The following HDAC7 variants were observed in gnomAD, a reference collection of about 807,000 sequenced individuals.
HDAC7 encodes histone deacetylase 7A.
Under a neutral mutation model 115.5 loss-of-function variants are expected in HDAC7, and 26 were observed. That is an observed-to-expected ratio of 0.23 (90% CI 0.16 to 0.31). The LOEUF (loss-of-function observed/expected upper bound fraction) is 0.31, where lower values mean the gene tolerates loss of function less well. HDAC7 is among the 10% of genes least tolerant of loss of function. The probability of loss-of-function intolerance (pLI) is 1.00; values close to 1 mark genes in which losing one functional copy is unlikely to be tolerated. For synonymous variants in HDAC7, 564 were observed against 550.9 expected (o/e 1.02, Z -0.33); for missense variants, 1,068 against 1,329.0 (o/e 0.80, Z 3.05).
intron 1 of HDAC7, among the ~76,000 whole-genome samples, chr12:47,809,598 T>C (rs923039539): frequency 2.6e-5 from 4 of 152,142 alleles, no homozygotes; most frequent in African/African-American, 9.6e-5. Context: ...TGAGATGGAG[T>C]CCCACTCTGT....
chr12:47,812,238 CTA>C (rs2137060014), intron 1 of HDAC7, among the ~76,000 whole-genome samples: 2 of 152,210 alleles, frequency 1.3e-5, no homozygotes, highest in East Asian at 3.9e-4. Context: ...GGGGTCCACC[CTA>C]TGACTTCTGG....
Position 47,819,749 on chromosome 12 carries a change from C to CTGG in HDAC7, c.19+17_19+18insCCA. ...GCCGCGCGCAGGGCGGGGCGGGGGG[C>CTGG]GGCCGCCCAGTACTCACCAGCGCCG... On this transcript the variant is annotated intron_variant, in intron 1 of 25. Coordinates refer to ENST00000080059, the MANE Select transcript of HDAC7 (RefSeq NM_015401.5). 1.2e-6 allele frequency: 1 copy of CTGG among 827,356 alleles called. No individual in the cohort carries two copies. The highest frequency in any genetic ancestry group is 1.5e-6 in the Non-Finnish European group (1 of 679,636). 51.3% of individuals were successfully genotyped at this position (827,356 alleles called of 1,614,324 possible).
intron 1 of HDAC7, among the ~76,000 whole-genome samples, chr12:47,811,362 G>C (rs1944656569): frequency 6.6e-6 from 1 of 151,928 alleles, no homozygotes; most frequent in African/African-American, 2.4e-5. Context: ...ACAGACAGAT[G>C]GCATGGTCCT....
chr12:47,790,986 G>C (rs533558269), intron 16 of HDAC7: 129 of 557,562 alleles, frequency 2.3e-4, no homozygotes, highest in African/African-American at 2.2e-3. Flanking sequence ...CCCAGCCTTG[G>C]CCCTGCTCCT....
chr12:47,810,559 T>C (rs1944608181), intron 1 of HDAC7, among the ~76,000 whole-genome samples: 1 of 152,212 alleles, frequency 6.6e-6, no homozygotes, highest in Admixed American at 6.5e-5. Context: ...TCTATTTCCC[T>C]TCCTTTTTAA....
chr12:47,795,727 C>G lies in HDAC7; in HGVS notation c.947G>C (p.Arg316Pro). Residue 316 changes from arginine to proline, a missense_variant, in exon 10 of 26, where the codon CGG becomes CCG. Around this residue, in one of 6 missense-constraint regions of HDAC7, gnomAD observed 618 missense variants for 701.5 expected, o/e 0.88. Transcript: ENST00000080059. This position sits in a 1 kb window ranked among gnomAD's most constrained non-coding sequence, Gnocchi z 4.3. The part of the protein sequence containing the change: ...DRRTHPTLGP[R>P]GPILGSPHTP... ...GTGGGGGCTCCCCAGGATTGGCCCC[C>G]GAGGGCCCAGAGTCGGATGGGTCCT... 1.3e-6 allele frequency: 2 copies of G among 1,545,400 alleles called. No individual in the cohort carries two copies. The highest frequency in any genetic ancestry group is 1.4e-5 in the African/African-American group (1 of 73,054).
chr12:47,798,892 C>G lies in HDAC7; in HGVS notation c.151G>C (p.Glu51Gln), dbSNP rs1376180753. ...AGCAATGTGGGCTCTGGTGGGGGCT[C>G]CACTGGGGGCCGCTGGCCCACCCGC... ...DLRVGQRPPV[E>Q]PPPEPTLLAL... The change falls in exon 3 of 26, where the codon GAG becomes CAG. Residue 51 changes from glutamate (E) to glutamine (Q), a missense_variant. Glu to Gln is a conservative substitution (Grantham distance 29, BLOSUM62 2). Transcript: ENST00000080059. The surrounding 1 kb of genome is among the most constrained non-coding windows in gnomAD (Gnocchi z 4.3). 2.6e-6 allele frequency: 4 copies of G among 1,537,508 alleles called. No individual in the cohort carries two copies. In the Admixed American group the frequency reaches 9.3e-5, roughly 36 times the overall value.
Position 47,803,453 on chromosome 12 carries a change from C to T in HDAC7, c.20-1179G>A, listed in dbSNP as rs1015624214. On this transcript the variant is annotated intron_variant, in intron 1 of 25. Transcript: ENST00000080059. This position sits in a 1 kb window ranked among gnomAD's most constrained non-coding sequence, Gnocchi z 4.0. ...CAGCCTGGGCACAGGGAGACTCCCACCGACTGCCCCTCAAACCAGCCCATG... is the reference window on the plus strand; with the variant it reads ...CAGCCTGGGCACAGGGAGACTCCCATCGACTGCCCCTCAAACCAGCCCATG... 6.6e-6 allele frequency among the ~76,000 whole-genome samples: 1 copy of T among 152,218 alleles called. No individual in the cohort carries two copies. The highest frequency in any genetic ancestry group is 1.9e-4 in the East Asian group (1 of 5,202).
At chr12:47,810,438 G>A (rs1427718024) in intron 1 of HDAC7, among the ~76,000 whole-genome samples, 2 of 152,144 alleles carry the variant, frequency 1.3e-5, no homozygotes, top group Non-Finnish European at 2.9e-5. Flanking sequence ...CCACCAAGGG[G>A]ACAAGGGGAT....
intron 16 of HDAC7, 139 bp downstream of exon 16, chr12:47,791,120 C>G (rs1395176491): frequency 4.9e-6 from 4 of 818,272 alleles, no homozygotes; most frequent in African/African-American, 3.4e-5. Flanking sequence ...GCAGGGGGCA[C>G]CTCAGGAAGT....
rs1943739268 is a variant in HDAC7, at chr12:47,795,119, TC to T, written c.1284+64del. 1 of 1,422,416 alleles carries T rather than the reference TC, an allele frequency of 7.0e-7. No homozygotes were observed. The highest frequency in any genetic ancestry group is 1.9e-5 in the Admixed American group (1 of 52,632). 88.1% of individuals were successfully genotyped at this position (1,422,416 alleles called of 1,614,324 possible). On this transcript the variant is annotated intron_variant, in intron 11 of 25. Coordinates refer to ENST00000080059, the MANE Select transcript of HDAC7 (RefSeq NM_015401.5). This position sits in a 1 kb window ranked among gnomAD's most constrained non-coding sequence, Gnocchi z 4.3. ...CCCTGCCCTTTCTAAGTACCCCTCT[TC>T]TTTTGGCCCCTAAGTCCCCAGTTAA... is the stretch of plus-strand genomic sequence containing the variant.
At chr12:47,789,091 C>T in intron 19 of HDAC7, 170 bp downstream of exon 19, 1 of 648,488 alleles carries the variant, frequency 1.5e-6, no homozygotes, top group Non-Finnish European at 2.8e-6. Context: ...CCCCTCTAGG[C>T]CTCCCAACTG....
intron 1 of HDAC7, among the ~76,000 whole-genome samples, chr12:47,812,713 C>T (rs986459828): frequency 2.0e-5 from 3 of 152,154 alleles, no homozygotes; most frequent in Admixed American, 1.3e-4. Flanking sequence ...CTGTAGAGTG[C>T]TTTAAGCACT....
intron 24 of HDAC7, 66 bp downstream of exon 24, chr12:47,785,321 G>A (rs768478724): frequency 3.3e-5 from 46 of 1,387,780 alleles, no homozygotes; most frequent in Admixed American, 1.5e-4. Context: ...ATCTGGCCAC[G>A]GTGGGGCAGG....
At position 47,798,268 on chromosome 12, in the gene HDAC7, C is replaced by G; in HGVS notation, c.350-49G>C. On this transcript the variant is annotated intron_variant, in intron 4 of 25. Coordinates refer to ENST00000080059, the MANE Select transcript of HDAC7 (RefSeq NM_015401.5). This position sits in a 1 kb window ranked among gnomAD's most constrained non-coding sequence, Gnocchi z 4.3. ...GGCTGGAGGTGGGTGGACAGGCGGC[C>G]TCGTGGCACTACCTGGCCACTGCCC... 1 of 1,413,684 alleles carries G rather than the reference C, an allele frequency of 7.1e-7. No individual in the cohort carries two copies. The highest frequency in any genetic ancestry group is 1.0e-6 in the Non-Finnish European group (1 of 1,000,374). The allele number at this position is 1,413,684 out of a possible 1,614,324, so 87.6% of individuals were successfully genotyped here. A position where few individuals can be genotyped will look rare whatever the true frequency, so the allele number is the denominator to read the frequency against.
rs765470581 is a variant in HDAC7 at position 47,796,240 on chromosome 12, G to A, written c.762C>T (p.Ser254=). ...PASGCSSPND[S]EHGPNPILGS... is the part of the protein sequence containing the mutation. ...CCAGGATGGGATTGGGGCCGTGCTC[G>A]CTGTCATTGGGGGAGCTGCACCCTG... is the stretch of plus-strand genomic sequence containing the variant. Residue 254 remains serine (S), a synonymous_variant, in exon 8 of 26, where the codon AGC becomes AGT. Transcript: ENST00000080059. 5.0e-6 allele frequency: 8 copies of A among 1,604,252 alleles called. No homozygotes were observed. The East Asian group carries it at 8.9e-5, about 18-fold the overall frequency.
rs1195425170 is a variant in HDAC7 at position 47,788,285 on chromosome 12, TG to T, written c.2236-122del. The T allele has an allele frequency of 8.5e-5, 110 of 1,300,978 alleles. 1 individual carries two copies. Among genetic ancestry groups the T allele is most frequent in the Non-Finnish European group, 9.4e-5 (91 of 967,070 alleles). The allele number at this position is 1,300,978 out of a possible 1,614,324, so 80.6% of individuals were successfully genotyped here. A position where few individuals can be genotyped will look rare whatever the true frequency, so the allele number is the denominator to read the frequency against. ...GGACCCTAGACTGGGATCAGGAACCTGGGGTTCCTAAAGCCACACGGTCGAG... is the reference window on the plus strand; with the variant it reads ...GGACCCTAGACTGGGATCAGGAACCTGGGTTCCTAAAGCCACACGGTCGAG... On this transcript the variant is annotated intron_variant, in intron 19 of 25. Transcript: ENST00000080059.
At position 47,783,708 on chromosome 12, in the gene HDAC7, C is replaced by T. The variant is rs1158949569; in HGVS notation, c.*133G>A. 8 of 870,030 alleles carry T rather than the reference C, an allele frequency of 9.2e-6. No individual in the cohort carries two copies. In the Admixed American group the frequency reaches 1.4e-4, roughly 16 times the overall value. 53.9% of individuals were successfully genotyped at this position (870,030 alleles called of 1,614,324 possible). On this transcript the variant is annotated 3_prime_UTR_variant, in exon 26 of 26. Transcript: ENST00000080059. ...ACGCTCCCTGGGATAACTGTCAAAG[C>T]AGGCAGGCTGTTCTCTGGTTCCAAC...
rs1394683042 is a variant in HDAC7, at chr12:47,789,595, T to C, written c.2092-17A>G. 6.2e-7 allele frequency: 1 copy of C among 1,613,834 alleles called. No individual in the cohort carries two copies. Among genetic ancestry groups the C allele is most frequent in the South Asian group, 1.1e-5 (1 of 91,070 alleles). On this transcript the variant is annotated splice_polypyrimidine_tract_variant and intron_variant, in intron 17 of 25. Transcript: ENST00000080059. The stretch of plus-strand genomic sequence containing the variant: ...GAAACCATTCTGGAAAAAGAAAGAA[T>C]GCTTGTCAATCAACAGACAGCTCTG...
Sources: gnomAD v4.1 joint callset for allele counts (sites outside exome capture counted in the v4.1 genomes callset) on GRCh38, gnomAD v4.1.1 for gene constraint, gnomAD v4.1.1 regional missense constraint, Gnocchi (gnomAD v3.1) non-coding constraint, MANE v1.5 for transcripts, NCBI Gene and HGNC (gene_info 2026-07-23, HGNC 2026-07-21) for gene names.